The following PEX7 variants were observed in gnomAD, a reference collection of about 807,000 sequenced individuals.
PEX7 encodes PTS2 receptor.
A neutral mutation model predicts 47.5 loss-of-function variants in PEX7; 34 were observed. The observed-to-expected ratio is 0.72, with a 90% CI of 0.54 to 0.95. The LOEUF (loss-of-function observed/expected upper bound fraction) is 0.95. Ranked by LOEUF, PEX7 falls within the 40% of genes least tolerant of loss-of-function variation. The pLI, the probability that PEX7 is intolerant of heterozygous loss-of-function variation, is 0.00. For missense variants in PEX7, 394 were observed against 400.3 expected (o/e 0.98, Z 0.13); for synonymous variants, 141 against 148.8 (o/e 0.95, Z 0.38).
rs1774111706 is a variant in PEX7 at position 136,823,021 on chromosome 6, T to C, written c.130+226T>C. 7.1e-6 allele frequency: 7 copies of C among 985,346 alleles called. No homozygotes were observed. In the Admixed American group the frequency reaches 2.5e-4, roughly 35 times the overall value. The allele number at this position is 985,346 out of a possible 1,614,324, so 61.0% of individuals were successfully genotyped here. A position where few individuals can be genotyped will look rare whatever the true frequency, so the allele number is the denominator to read the frequency against. On this transcript the variant is annotated intron_variant, in intron 1 of 9. Coordinates refer to ENST00000318471, the MANE Select transcript of PEX7 (RefSeq NM_000288.4). Reference sequence around the variant, plus strand: ...TCTTCCAGTTGTGTGCAAGTGCATATACGTGTAGCCTAGTAGCCCGTGTCC... The same window carrying C: ...TCTTCCAGTTGTGTGCAAGTGCATACACGTGTAGCCTAGTAGCCCGTGTCC...
chr6:136,873,462 GA>G (rs1214074242), intron 8 of PEX7, among the ~76,000 whole-genome samples: 1 of 152,124 alleles, frequency 6.6e-6, no homozygotes, highest in Non-Finnish European at 1.5e-5. Context: ...CATCCATAAG[GA>G]ATATGCCAAT....
At position 136,822,799 on chromosome 6, in the gene PEX7, AGGC is replaced by A; in HGVS notation, c.130+9_130+11del. On this transcript the variant is annotated splice_donor_5th_base_variant and intron_variant, in intron 1 of 9. Transcript: ENST00000318471. Reference sequence around the variant, plus strand: ...GCGCAGCACTACGGCATCGCGGGTGAGGCGGCGCCGCGCAGCTGGGGCCGGGGG... The same window carrying A: ...GCGCAGCACTACGGCATCGCGGGTGAGGCGCCGCGCAGCTGGGGCCGGGGG... 1.5e-6 allele frequency: 2 copies of A among 1,301,376 alleles called. No individual in the cohort carries two copies. The highest frequency in any genetic ancestry group is 1.9e-6 in the Non-Finnish European group (2 of 1,030,648). 80.6% of individuals were successfully genotyped at this position (1,301,376 alleles called of 1,614,324 possible). A position where few individuals can be genotyped will look rare whatever the true frequency, so the allele number is the denominator to read the frequency against.
chr6:136,835,684 G>A (rs1407853051), intron 3 of PEX7, among the ~76,000 whole-genome samples: 2 of 152,136 alleles, frequency 1.3e-5, no homozygotes, highest in African/African-American at 2.4e-5. Flanking sequence ...TCAATGTGCA[G>A]CATTGTTTGG....
chr6:136,870,745 C>T (rs1472261578), intron 7 of PEX7: 1 of 407,660 alleles, frequency 2.5e-6, no homozygotes, highest in East Asian at 9.7e-5. Flanking sequence ...GAGTCTTGCC[C>T]TGTCACCCAG....
intron 5 of PEX7, among the ~76,000 whole-genome samples, chr6:136,863,640 G>T (rs1775005601): frequency 6.6e-6 from 1 of 152,138 alleles, no homozygotes; most frequent in African/African-American, 2.4e-5. Context: ...GGATGCAGTG[G>T]CTCACACCTG....
chr6:136,839,355 C>A (rs1774452342), intron 3 of PEX7, among the ~76,000 whole-genome samples: 1 of 152,148 alleles, frequency 6.6e-6, no homozygotes, highest in Non-Finnish European at 1.5e-5. Context: ...AGTAGACCAA[C>A]TTAAAAAGGG....
At chr6:136,841,275 T>C (rs1362894745) in intron 3 of PEX7, among the ~76,000 whole-genome samples, 1 of 152,196 alleles carries the variant, frequency 6.6e-6, no homozygotes, top group Non-Finnish European at 1.5e-5. Context: ...CACCTCAAAC[T>C]CAGTATATAT....
At chr6:136,891,258 A>G (rs1459513538) in intron 8 of PEX7, among the ~76,000 whole-genome samples, 1 of 152,198 alleles carries the variant, frequency 6.6e-6, no homozygotes, top group African/African-American at 2.4e-5. Flanking sequence ...ACTGTGATGA[A>G]GTAAAGTCTG....
intron 5 of PEX7, among the ~76,000 whole-genome samples, chr6:136,864,180 TG>T (rs1775016134): frequency 6.6e-6 from 1 of 152,206 alleles, no homozygotes. Context: ...GTAGTTGTGA[TG>T]TTTTTAGAAA....
At chr6:136,838,315 G>T (rs1392294188) in intron 3 of PEX7, among the ~76,000 whole-genome samples, 1 of 152,174 alleles carries the variant, frequency 6.6e-6, no homozygotes, top group Non-Finnish European at 1.5e-5. Flanking sequence ...AATTGGAAGG[G>T]TAGAGAAAAA....
chr6:136,822,707 G>A lies in PEX7; in HGVS notation c.42G>A (p.Thr14=), dbSNP rs1253900568. The part of the protein sequence containing the change: ...VCGGAARMLR[T]PGRHGYAAEF... ...GTGGAGCGGCGCGGATGCTGCGGACGCCGGGACGCCACGGCTACGCCGCCG... is the reference window on the plus strand; with the variant it reads ...GTGGAGCGGCGCGGATGCTGCGGACACCGGGACGCCACGGCTACGCCGCCG... Residue 14 remains threonine, a synonymous_variant, in exon 1 of 10, where the codon ACG becomes ACA. Coordinates refer to ENST00000318471, the MANE Select transcript of PEX7 (RefSeq NM_000288.4). 13 of 1,517,444 alleles carry A rather than the reference G, an allele frequency of 8.6e-6. No individual in the cohort carries two copies. Among genetic ancestry groups the A allele is most frequent in the East Asian group, 2.6e-5 (1 of 38,850 alleles). The allele number at this position is 1,517,444 out of a possible 1,614,324, so 94.0% of individuals were successfully genotyped here.
chr6:136,888,341 A>C (rs927129935), intron 8 of PEX7, among the ~76,000 whole-genome samples: 28 of 152,166 alleles, frequency 1.8e-4, no homozygotes, highest in African/African-American at 6.8e-4. Flanking sequence ...TAATGATATG[A>C]TACTGATTGT....
intron 3 of PEX7, among the ~76,000 whole-genome samples, chr6:136,841,432 T>C (rs1036797218): frequency 6.6e-6 from 1 of 152,220 alleles, no homozygotes; most frequent in African/African-American, 2.4e-5. Flanking sequence ...TTTATGTGTT[T>C]GAGGAAGTTT....
chr6:136,866,791 A>G (rs1367597827), intron 6 of PEX7, 58 bp downstream of exon 6: 2 of 1,436,152 alleles, frequency 1.4e-6, no homozygotes, highest in Non-Finnish European at 2.0e-6. Flanking sequence ...AATGTTCTGA[A>G]TTTTATTTGT....
At chr6:136,904,130 T>G (rs1775800342) in intron 9 of PEX7, among the ~76,000 whole-genome samples, 2 of 152,216 alleles carry the variant, frequency 1.3e-5, no homozygotes, top group African/African-American at 4.8e-5. Flanking sequence ...TTATTGGTAG[T>G]TAGGATATTT....
chr6:136,913,657 CT>C lies in PEX7; in HGVS notation c.*132del. 1.3e-6 allele frequency: 1 copy of C among 760,898 alleles called. No individual in the cohort carries two copies. The highest frequency in any genetic ancestry group is 2.3e-6 in the Non-Finnish European group (1 of 428,676). The allele number at this position is 760,898 out of a possible 1,614,324, so 47.1% of individuals were successfully genotyped here. On this transcript the variant is annotated 3_prime_UTR_variant, in exon 10 of 10. Coordinates refer to ENST00000318471, the MANE Select transcript of PEX7 (RefSeq NM_000288.4). ...AGATTTCAAATCTTTCCAATTTACC[CT>C]GGAATCAGTTTTGAGGGAGCTGATA...
chr6:136,891,493 GT>G (rs1031071916), intron 8 of PEX7, among the ~76,000 whole-genome samples: 48 of 151,964 alleles, frequency 3.2e-4, no homozygotes, highest in African/African-American at 1.2e-3. Flanking sequence ...GGTAGTTAGG[GT>G]TTTTTTCTGT....
chr6:136,865,035 T>C (rs953243975), intron 5 of PEX7, among the ~76,000 whole-genome samples: 2 of 152,252 alleles, frequency 1.3e-5, no homozygotes, highest in Non-Finnish European at 1.5e-5. Context: ...TTGTCATCTT[T>C]TGTTTCCTCA....
chr6:136,870,656 T>C (rs1455079500), intron 7 of PEX7: 2 of 280,976 alleles, frequency 7.1e-6, no homozygotes, highest in East Asian at 1.4e-4. Flanking sequence ...AAGTACCTTA[T>C]TGATTATTTT....
Sources: gnomAD v4.1 joint callset for allele counts (sites outside exome capture counted in the v4.1 genomes callset) on GRCh38, gnomAD v4.1.1 for gene constraint, MANE v1.5 for transcripts, NCBI Gene and HGNC (gene_info 2026-07-23, HGNC 2026-07-21) for gene names.